AVP: variants seen among roughly 807,000 people sequenced by gnomAD.
AVP encodes the protein vasopressin-neurophysin 2-copeptin.
A neutral mutation model predicts 11.1 loss-of-function variants in AVP; 9 were observed. The observed-to-expected ratio is 0.81, with a 90% CI of 0.49 to 1.42. The LOEUF is 1.42. AVP is among the 40% of genes most tolerant of loss of function. AVP has a pLI of 0.00. For missense variants in AVP, 206 were observed against 238.5 expected (o/e 0.86, Z 0.90); for synonymous variants, 106 against 111.3 (o/e 0.95, Z 0.30).
rs2066128306 is a variant in AVP, at chr20:3,084,628, A to G, written c.47T>C (p.Phe16Ser). 1 of 1,613,710 alleles carries G rather than the reference A, an allele frequency of 6.2e-7. No individual in the cohort carries two copies. The highest frequency in any genetic ancestry group is 8.5e-7 in the Non-Finnish European group (1 of 1,180,032). Residue 16 changes from phenylalanine to serine, a missense_variant, in exon 1 of 3, where the codon TTC becomes TCC. Around this residue, in one of 2 missense-constraint regions of AVP, gnomAD observed 100 missense variants for 149.3 expected, o/e 0.67. Transcript: ENST00000380293. ...GTTCTGGAAGTAGCACGCGGAGGAG[A>G]AGGCCAGTAGGCCGAGGAAGCAGGC... Reference protein sequence around the residue: ...LPACFLGLLAFSSACYFQNCP... With the variant: ...LPACFLGLLASSSACYFQNCP...
rs1208534009 is a variant in AVP, at chr20:3,082,943, C to A, written c.322+34G>T. ...TCCCCCCCACCCAAGCGGTCTGCGC[C>A]CCCCCCAGCCCCAGGCCCGCCCCCG... On this transcript the variant is annotated intron_variant, in intron 2 of 2. Coordinates refer to ENST00000380293, the MANE Select transcript of AVP (RefSeq NM_000490.5). This position sits in a 1 kb window ranked among gnomAD's most constrained non-coding sequence, Gnocchi z 4.7. 40 of 1,225,052 alleles carry A rather than the reference C, an allele frequency of 3.3e-5. 1 individual carries two copies. The highest frequency in any genetic ancestry group is 6.1e-5 in the South Asian group (3 of 49,406). 75.9% of individuals were successfully genotyped at this position (1,225,052 alleles called of 1,614,324 possible). A position where few individuals can be genotyped will look rare whatever the true frequency, so the allele number is the denominator to read the frequency against.
chr20:3,082,944 C>G lies in AVP; in HGVS notation c.322+33G>C, dbSNP rs1193815269. On this transcript the variant is annotated intron_variant, in intron 2 of 2. Transcript: ENST00000380293. The surrounding 1 kb of genome is among the most constrained non-coding windows in gnomAD (Gnocchi z 4.7). ...CCCCCCCACCCAAGCGGTCTGCGCCCCCCCCAGCCCCAGGCCCGCCCCCGC... is the reference window on the plus strand; with the variant it reads ...CCCCCCCACCCAAGCGGTCTGCGCCGCCCCCAGCCCCAGGCCCGCCCCCGC... 2 of 1,291,328 alleles carry G rather than the reference C, an allele frequency of 1.5e-6. No homozygotes were observed. The highest frequency in any genetic ancestry group is 2.0e-6 in the Non-Finnish European group (2 of 1,014,064). The allele number at this position is 1,291,328 out of a possible 1,614,324, so 80.0% of individuals were successfully genotyped here. A position where few individuals can be genotyped will look rare whatever the true frequency, so the allele number is the denominator to read the frequency against.
rs568253217 is a variant in AVP, at chr20:3,082,764, G to A, written c.361C>T (p.His121Tyr). 4.3e-5 allele frequency: 54 copies of A among 1,269,402 alleles called. No homozygotes were observed. In the Admixed American group the frequency reaches 6.1e-4, roughly 14 times the overall value. 78.6% of individuals were successfully genotyped at this position (1,269,402 alleles called of 1,614,324 possible). The change falls in exon 3 of 3, where the codon CAC becomes TAC. Residue 121 changes from histidine to tyrosine, a missense_variant. Physicochemically the swap from His to Tyr is moderately conservative, Grantham distance 83. Transcript: ENST00000380293. This position sits in a 1 kb window ranked among gnomAD's most constrained non-coding sequence, Gnocchi z 4.7. ...CGGTCGCTGGCGCGGGCGCGGCGGTGAAAGCCCTCGCGGCACTCGGGCTCG... is the reference window on the plus strand; with the variant it reads ...CGGTCGCTGGCGCGGGCGCGGCGGTAAAAGCCCTCGCGGCACTCGGGCTCG... ...VTEPECREGF[H>Y]RRARASDRSN...
At position 3,083,917 on chromosome 20, in the gene AVP, C is replaced by T. The variant is rs971621471; in HGVS notation, c.120+638G>A. 6.6e-6 allele frequency among the ~76,000 whole-genome samples: 1 copy of T among 152,224 alleles called. No individual in the cohort carries two copies. The highest frequency in any genetic ancestry group is 2.4e-5 in the African/African-American group (1 of 41,456). ...ATAGCGCATTAGACTTTTAGCTGAG[C>T]CTGGTGTGGTCTAATTTGCTCAAGG... is the stretch of plus-strand genomic sequence containing the variant. On this transcript the variant is annotated intron_variant, in intron 1 of 2. Transcript: ENST00000380293. The surrounding 1 kb of genome is among the most constrained non-coding windows in gnomAD (Gnocchi z 5.4).
At position 3,083,481 on chromosome 20, in the gene AVP, G is replaced by C. The variant is rs949757604; in HGVS notation, c.121-303C>G. ...CGTGGGGAACCCTTCCTCGAGCCTC[G>C]GGGTCATCGCTGGTGGGCGCCACTG... On this transcript the variant is annotated intron_variant, in intron 1 of 2. Coordinates refer to ENST00000380293, the MANE Select transcript of AVP (RefSeq NM_000490.5). This position sits in a 1 kb window ranked among gnomAD's most constrained non-coding sequence, Gnocchi z 5.4. Among the ~76,000 whole-genome samples, 1 of 152,122 alleles carries C rather than the reference G, an allele frequency of 6.6e-6. No individual in the cohort carries two copies. The highest frequency in any genetic ancestry group is 2.4e-5 in the African/African-American group (1 of 41,424).
chr20:3,082,946 C>G lies in AVP; in HGVS notation c.322+31G>C, dbSNP rs780084300. ...CCCCCACCCAAGCGGTCTGCGCCCC[C>G]CCCAGCCCCAGGCCCGCCCCCGCCG... On this transcript the variant is annotated intron_variant, in intron 2 of 2. Transcript: ENST00000380293. The surrounding 1 kb of genome is among the most constrained non-coding windows in gnomAD (Gnocchi z 4.7). 6 of 1,342,538 alleles carry G rather than the reference C, an allele frequency of 4.5e-6. No individual in the cohort carries two copies. The South Asian group carries it at 5.3e-5, about 12-fold the overall frequency. 83.2% of individuals were successfully genotyped at this position (1,342,538 alleles called of 1,614,324 possible).
Position 3,082,954 on chromosome 20 carries a change from C to A in AVP, c.322+23G>T. 1 of 1,393,124 alleles carries A rather than the reference C, an allele frequency of 7.2e-7. No homozygotes were observed. The highest frequency in any genetic ancestry group is 1.6e-5 in the South Asian group (1 of 63,958). The allele number at this position is 1,393,124 out of a possible 1,614,324, so 86.3% of individuals were successfully genotyped here. On this transcript the variant is annotated intron_variant, in intron 2 of 2. Coordinates refer to ENST00000380293, the MANE Select transcript of AVP (RefSeq NM_000490.5). This position sits in a 1 kb window ranked among gnomAD's most constrained non-coding sequence, Gnocchi z 4.7. ...CAAGCGGTCTGCGCCCCCCCCAGCC[C>A]CAGGCCCGCCCCCGCCGCGCACCGT...
chr20:3,082,703 GC>G lies in AVP; in HGVS notation c.421del (p.Ala141ProfsTer?). 7.7e-7 allele frequency: 1 copy of G among 1,290,440 alleles called. No homozygotes were observed. 79.9% of individuals were successfully genotyped at this position (1,290,440 alleles called of 1,614,324 possible). A position where few individuals can be genotyped will look rare whatever the true frequency, so the allele number is the denominator to read the frequency against. On this transcript the variant is annotated frameshift_variant, in exon 3 of 3. Coordinates refer to ENST00000380293, the MANE Select transcript of AVP (RefSeq NM_000490.5). LOFTEE classifies it high-confidence loss of function. The surrounding 1 kb of genome is among the most constrained non-coding windows in gnomAD (Gnocchi z 4.7). Reference sequence around the variant, plus strand: ...CAGCTGCACCAGCCGCAGCAGCAAGGCCCCGGCCGGCCCGTCCAGCTGCGTG... The same window carrying G: ...CAGCTGCACCAGCCGCAGCAGCAAGGCCCGGCCGGCCCGTCCAGCTGCGTG... ...NATQLDGPAG[A>X]LLLRLVQLAG...
At position 3,083,807 on chromosome 20, in the gene AVP, G is replaced by A. The variant is rs2066124037; in HGVS notation, c.121-629C>T. 6.6e-6 allele frequency among the ~76,000 whole-genome samples: 1 copy of A among 152,230 alleles called. No homozygotes were observed. The highest frequency in any genetic ancestry group is 1.5e-5 in the Non-Finnish European group (1 of 68,050). ...CACCCAGGTGCCTCAGGACCCTAAA[G>A]GAGCCTAGCAGGAGGAAGAGAGGCT... On this transcript the variant is annotated intron_variant, in intron 1 of 2. Transcript: ENST00000380293. The surrounding 1 kb of genome is among the most constrained non-coding windows in gnomAD (Gnocchi z 5.4).
chr20:3,083,588 C>G lies in AVP; in HGVS notation c.121-410G>C, dbSNP rs1046756428. ...CTGCGGCTTGAGCCCGGGCCCACCC[C>G]CTTCCCCACTACACCATGCGGAGAG... On this transcript the variant is annotated intron_variant, in intron 1 of 2. Coordinates refer to ENST00000380293, the MANE Select transcript of AVP (RefSeq NM_000490.5). The surrounding 1 kb of genome is among the most constrained non-coding windows in gnomAD (Gnocchi z 5.4). Among the ~76,000 whole-genome samples the G allele has an allele frequency of 3.3e-5, 5 of 152,192 alleles. No individual in the cohort carries two copies. Among genetic ancestry groups the G allele is most frequent in the East Asian group, 1.9e-4 (1 of 5,182 alleles).
rs776262970 is a variant in AVP, at chr20:3,083,097, C to G, written c.202G>C (p.Gly68Arg). Reference protein sequence around the residue: ...CCADELGCFVGTAEALRCQEE... With the variant: ...CCADELGCFVRTAEALRCQEE... ...TGGCAGCGCAGCGCCTCAGCCGTGCCCACGAAGCAGCCCAGCTCGTCCGCG... is the reference window on the plus strand; with the variant it reads ...TGGCAGCGCAGCGCCTCAGCCGTGCGCACGAAGCAGCCCAGCTCGTCCGCG... Residue 68 changes from glycine to arginine, a missense_variant, in exon 2 of 3, where the codon GGC becomes CGC. Gly to Arg is a moderately radical substitution (Grantham distance 125, BLOSUM62 -2). Coordinates refer to ENST00000380293, the MANE Select transcript of AVP (RefSeq NM_000490.5). The surrounding 1 kb of genome is among the most constrained non-coding windows in gnomAD (Gnocchi z 5.4). 9.0e-6 allele frequency: 14 copies of G among 1,556,690 alleles called. No individual in the cohort carries two copies. The African/African-American group carries it at 1.8e-4, about 20-fold the overall frequency.
intron 1 of AVP, 40 bp downstream of exon 1, chr20:3,084,515 C>T (rs780537099): frequency 1.2e-6 from 2 of 1,612,988 alleles, no homozygotes; most frequent in South Asian, 2.2e-5. Flanking sequence ...TCAGCACTGC[C>T]CGCTATGGCA....
rs2066127688 is a variant in AVP, at chr20:3,084,539, C to G, written c.120+16G>C. On this transcript the variant is annotated intron_variant, in intron 1 of 2. Transcript: ENST00000380293. ...CCCGCTATGGCAGCCCTGAGATGGC[C>G]CACAGTGGGAAGTACCTGTCTCAGC... The G allele has an allele frequency of 1.2e-6, 2 of 1,613,740 alleles. No individual in the cohort carries two copies. Among genetic ancestry groups the G allele is most frequent in the Non-Finnish European group, 1.7e-6 (2 of 1,180,022 alleles).
At position 3,083,079 on chromosome 20, in the gene AVP, G is replaced by T; in HGVS notation, c.220C>A (p.Arg74Ser). The T allele has an allele frequency of 6.4e-7, 1 of 1,561,606 alleles. No homozygotes were observed. The highest frequency in any genetic ancestry group is 8.6e-7 in the Non-Finnish European group (1 of 1,164,122). The change falls in exon 2 of 3, where the codon CGC (arginine) becomes AGC (serine). Residue 74 changes from arginine to serine, a missense_variant. Arg to Ser is a moderately radical substitution (Grantham distance 110, BLOSUM62 -1). Around this residue, in one of 2 missense-constraint regions of AVP, gnomAD observed 100 missense variants for 149.3 expected, o/e 0.67. Transcript: ENST00000380293. The surrounding 1 kb of genome is among the most constrained non-coding windows in gnomAD (Gnocchi z 5.4). Reference sequence around the variant, plus strand: ...GGCAGGTAGTTCTCCTCCTGGCAGCGCAGCGCCTCAGCCGTGCCCACGAAG... The same window carrying T: ...GGCAGGTAGTTCTCCTCCTGGCAGCTCAGCGCCTCAGCCGTGCCCACGAAG... ...GCFVGTAEAL[R>S]CQEENYLPSP... is the part of the protein sequence containing the mutation.
Position 3,082,893 on chromosome 20 carries a change from G to GCCC in AVP, c.322+81_322+83dup. ...CACCCTCCCTGCCGGGCCCGACGCA[G>GCCC]CCCCCACCCCGCCGCAGGCCCGCGT... On this transcript the variant is annotated intron_variant, in intron 2 of 2. Transcript: ENST00000380293. This position sits in a 1 kb window ranked among gnomAD's most constrained non-coding sequence, Gnocchi z 4.7. The GCCC allele has an allele frequency of 2.5e-6, 3 of 1,191,548 alleles. No homozygotes were observed. Among genetic ancestry groups the GCCC allele is most frequent in the Non-Finnish European group, 2.1e-6 (2 of 953,866 alleles). The allele number at this position is 1,191,548 out of a possible 1,614,324, so 73.8% of individuals were successfully genotyped here.
At position 3,083,149 on chromosome 20, in the gene AVP, G is replaced by A; in HGVS notation, c.150C>T (p.Gly50=). 2 of 1,516,094 alleles carry A rather than the reference G, an allele frequency of 1.3e-6. No homozygotes were observed. Among genetic ancestry groups the A allele is most frequent in the Admixed American group, 2.0e-5 (1 of 49,428 alleles). 93.9% of individuals were successfully genotyped at this position (1,516,094 alleles called of 1,614,324 possible). A position where few individuals can be genotyped will look rare whatever the true frequency, so the allele number is the denominator to read the frequency against. The part of the protein sequence containing the change: ...QCLPCGPGGK[G]RCFGPSICCA... ...AGCAGATGCTGGGCCCGAAGCAGCG[G>A]CCTTTGCCCCCGGGGCCGCAGGGGA... is the stretch of plus-strand genomic sequence containing the variant. Residue 50 remains glycine (G), a synonymous_variant, in exon 2 of 3, where the codon GGC becomes GGT. Transcript: ENST00000380293. This position sits in a 1 kb window ranked among gnomAD's most constrained non-coding sequence, Gnocchi z 5.4.
Position 3,083,217 on chromosome 20 carries a change from G to C in AVP, c.121-39C>G. 5 of 1,433,130 alleles carry C rather than the reference G, an allele frequency of 3.5e-6. No individual in the cohort carries two copies. Among genetic ancestry groups the C allele is most frequent in the Non-Finnish European group, 4.6e-6 (5 of 1,092,672 alleles). The allele number at this position is 1,433,130 out of a possible 1,614,324, so 88.8% of individuals were successfully genotyped here. On this transcript the variant is annotated intron_variant, in intron 1 of 2. Transcript: ENST00000380293. This position sits in a 1 kb window ranked among gnomAD's most constrained non-coding sequence, Gnocchi z 5.4. ...CGGGGTGAGCGGGAGGAGGGGAGCCGGGAGTCGAGGGGTTGGAGGGGAACG... is the reference window on the plus strand; with the variant it reads ...CGGGGTGAGCGGGAGGAGGGGAGCCCGGAGTCGAGGGGTTGGAGGGGAACG...
chr20:3,084,119 G>T (rs545675188), intron 1 of AVP, among the ~76,000 whole-genome samples: 1 of 152,298 alleles, frequency 6.6e-6, no homozygotes, highest in East Asian at 1.9e-4. Context: ...CTGTGTGGGG[G>T]CCTGGGCGCC....
In AVP at chr20:3,083,273, T is replaced by A. The variant is rs2066121153; in HGVS notation, c.121-95A>T. 1 of 1,274,284 alleles carries A rather than the reference T, an allele frequency of 7.8e-7. No individual in the cohort carries two copies. Among genetic ancestry groups the A allele is most frequent in the South Asian group, 1.9e-5 (1 of 53,432 alleles). 78.9% of individuals were successfully genotyped at this position (1,274,284 alleles called of 1,614,324 possible). Reference sequence around the variant, plus strand: ...AGGCGGGGATGCTGGGGTCCAGGGCTCGGAGTGCGGGCGGGACACCGGGGC... The same window carrying A: ...AGGCGGGGATGCTGGGGTCCAGGGCACGGAGTGCGGGCGGGACACCGGGGC... On this transcript the variant is annotated intron_variant, in intron 1 of 2. Coordinates refer to ENST00000380293, the MANE Select transcript of AVP (RefSeq NM_000490.5). The surrounding 1 kb of genome is among the most constrained non-coding windows in gnomAD (Gnocchi z 5.4).
Sources: gnomAD v4.1 joint callset for allele counts (sites outside exome capture counted in the v4.1 genomes callset) on GRCh38, gnomAD v4.1.1 for gene constraint, gnomAD v4.1.1 regional missense constraint, Gnocchi (gnomAD v3.1) non-coding constraint, MANE v1.5 for transcripts, NCBI Gene and HGNC (gene_info 2026-07-23, HGNC 2026-07-21) for gene names.